The following APOOL variants were observed in gnomAD, a reference collection of about 807,000 sequenced individuals.
APOOL encodes the protein apolipoprotein O like, also known as MICOS complex subunit MIC27.
Under a neutral mutation model 23.1 loss-of-function variants are expected in APOOL, and 12 were observed. That is an observed-to-expected ratio of 0.52 (90% CI 0.33 to 0.84). APOOL has a LOEUF of 0.84. Among genes scored for constraint, APOOL ranks in the 40% least tolerant of loss-of-function variants. APOOL has a pLI of 0.02. For synonymous variants in APOOL, 77 were observed against 69.9 expected (o/e 1.10, Z -0.51); for missense variants, 212 against 199.6 (o/e 1.06, Z -0.37).
At position 85,003,934 on chromosome X, in the gene APOOL, G is replaced by C. The variant is rs761892339; in HGVS notation, c.15+7G>C. 1 of 1,211,673 alleles carries C rather than the reference G, an allele frequency of 8.3e-7. No homozygotes were observed. The highest frequency in any genetic ancestry group is 1.1e-6 in the Non-Finnish European group (1 of 895,312). ...AGACATGGCGGCCATCAGGGTAAGC[G>C]AAAACCAACTTGCTTAATTTCTGTG... is the stretch of plus-strand genomic sequence containing the variant. On this transcript the variant is annotated splice_region_variant and intron_variant, in intron 1 of 8. Coordinates refer to ENST00000373173, the MANE Select transcript of APOOL (RefSeq NM_198450.6).
intron 1 of APOOL, among the ~76,000 whole-genome samples, chrX:85,033,554 G>A (rs866431056): frequency 8.9e-6 from 1 of 111,844 alleles, no homozygotes; most frequent in East Asian, 2.8e-4. Context: ...TGGAGAATAA[G>A]TTTTTTTCAT....
At chrX:85,010,704 T>A (rs1268920014) in intron 1 of APOOL, among the ~76,000 whole-genome samples, 1 of 112,239 alleles carries the variant, frequency 8.9e-6, no homozygotes, top group African/African-American at 3.2e-5. Context: ...TGAGTACTAT[T>A]CCATGTTGTA....
intron 1 of APOOL, among the ~76,000 whole-genome samples, chrX:85,011,006 CTAT>C (rs1298999358): frequency 9.0e-6 from 1 of 111,677 alleles, no homozygotes; most frequent in Non-Finnish European, 1.9e-5. Flanking sequence ...ACACCAACAT[CTAT>C]TATTTTTTTA....
intron 8 of APOOL, among the ~76,000 whole-genome samples, chrX:85,086,852 A>C: frequency 1.2e-5 from 1 of 84,320 alleles, no homozygotes; most frequent in Non-Finnish European, 2.3e-5. Context: ...GGCGCCCGCC[A>C]ACACGCCCGG....
intron 2 of APOOL, among the ~76,000 whole-genome samples, chrX:85,047,987 G>T (rs1012602734): frequency 2.7e-5 from 3 of 111,350 alleles, no homozygotes; most frequent in East Asian, 5.7e-4. Context: ...ACTATTTCCA[G>T]CTATTGCTAT....
chrX:85,026,923 C>G (rs891828779), intron 1 of APOOL, among the ~76,000 whole-genome samples: 1 of 111,994 alleles, frequency 8.9e-6, no homozygotes, highest in East Asian at 2.8e-4. Context: ...CTGTCCATTA[C>G]CCAGTTGCAG....
At chrX:85,004,266 A>G (rs1024523522) in intron 1 of APOOL, among the ~76,000 whole-genome samples, 11 of 111,661 alleles carry the variant, frequency 9.9e-5, no homozygotes, top group African/African-American at 2.9e-4. Flanking sequence ...AGAAAAATAT[A>G]TATATAAACT....
chrX:85,059,616 C>A, intron 5 of APOOL, among the ~76,000 whole-genome samples: 1 of 109,728 alleles, frequency 9.1e-6, no homozygotes, highest in Middle Eastern at 4.6e-3. Context: ...ATTTGCATTT[C>A]TCTGATGGCC....
At chrX:85,083,907 T>G (rs1279123742) in intron 8 of APOOL, among the ~76,000 whole-genome samples, 1 of 111,252 alleles carries the variant, frequency 9.0e-6, no homozygotes, top group African/African-American at 3.3e-5. Flanking sequence ...ACACCAACTT[T>G]TTGAATAGTC....
At chrX:85,052,707 T>G (rs762125304) in intron 3 of APOOL, among the ~76,000 whole-genome samples, 1 of 111,775 alleles carries the variant, frequency 8.9e-6, no homozygotes, top group Non-Finnish European at 1.9e-5. Context: ...TGGTACTAGT[T>G]GTACTACACA....
At chrX:85,086,887 A>C (rs1029415437) in intron 8 of APOOL, among the ~76,000 whole-genome samples, 1 of 102,024 alleles carries the variant, frequency 9.8e-6, no homozygotes, top group Admixed American at 1.1e-4. Context: ...TTTTAGTAGA[A>C]ACGGGGTTTC....
intron 1 of APOOL, among the ~76,000 whole-genome samples, chrX:85,021,453 C>T (rs1871477121): frequency 1.8e-5 from 2 of 110,012 alleles, no homozygotes. Context: ...AAGCTCCATG[C>T]TGGCCCCAGG....
At chrX:85,042,385 C>T (rs1002936209) in intron 1 of APOOL, among the ~76,000 whole-genome samples, 2 of 111,539 alleles carry the variant, frequency 1.8e-5, no homozygotes, top group African/African-American at 6.5e-5. Context: ...ACACACACAA[C>T]CTACCAACAT....
At chrX:85,056,711 T>C (rs760094269) in intron 5 of APOOL, among the ~76,000 whole-genome samples, 16 of 111,172 alleles carry the variant, frequency 1.4e-4, no homozygotes, top group Non-Finnish European at 3.0e-4. Flanking sequence ...CCATTACACT[T>C]CAGCCTGGGC....
intron 2 of APOOL, among the ~76,000 whole-genome samples, chrX:85,047,872 T>C (rs952244548): frequency 8.9e-6 from 1 of 111,786 alleles, no homozygotes; most frequent in Non-Finnish European, 1.9e-5. Context: ...ACTGACTAGT[T>C]AGATGACATT....
At chrX:85,071,608 T>G in intron 6 of APOOL, among the ~76,000 whole-genome samples, 1 of 111,320 alleles carries the variant, frequency 9.0e-6, no homozygotes, top group Non-Finnish European at 1.9e-5. Flanking sequence ...CTGTTTAATC[T>G]TGAGATAGGA....
Position 85,088,084 on chromosome X carries a change from GTATAAATACATATACA to G in APOOL, c.*410_*425del, listed in dbSNP as rs1569462301. 0.012 allele frequency: 303 copies of G among 24,701 alleles called. 4 individuals carry two copies. Among genetic ancestry groups the G allele is most frequent in the Admixed American group, 0.033 (57 of 1,703 alleles). The allele number at this position is 24,701 out of a possible 1,213,427, so 2.0% of individuals were successfully genotyped here. A position where few individuals can be genotyped will look rare whatever the true frequency, so the allele number is the denominator to read the frequency against. On this transcript the variant is annotated 3_prime_UTR_variant, in exon 9 of 9. Transcript: ENST00000373173. ...TATGTATAAATACATATACATATAT[GTATAAATACATATACA>G]TATTTATACATATATGTATAAATAC...
chrX:85,044,358 T>C (rs1922503519), intron 1 of APOOL, among the ~76,000 whole-genome samples: 1 of 110,270 alleles, frequency 9.1e-6, no homozygotes, highest in Non-Finnish European at 1.9e-5. Context: ...TTCGGCTCGC[T>C]GCAACCTCCA....
At position 85,091,354 on chromosome X, in the gene APOOL, T is replaced by C. The variant is rs1033209678; in HGVS notation, c.*3676T>C. On this transcript the variant is annotated 3_prime_UTR_variant, in exon 9 of 9. Transcript: ENST00000373173. Reference sequence around the variant, plus strand: ...AAGGTTTTAAAAAATTCATTTCAAATCCTGGAGATAAATTCTGAGGAGCTT... The same window carrying C: ...AAGGTTTTAAAAAATTCATTTCAAACCCTGGAGATAAATTCTGAGGAGCTT... 8.0e-5 allele frequency: 9 copies of C among 112,764 alleles called. No homozygotes were observed. The highest frequency in any genetic ancestry group is 1.7e-4 in the Non-Finnish European group (9 of 53,367). The allele number at this position is 112,764 out of a possible 1,213,427, so 9.3% of individuals were successfully genotyped here.
Sources: gnomAD v4.1 joint callset for allele counts (sites outside exome capture counted in the v4.1 genomes callset) on GRCh38, gnomAD v4.1.1 for gene constraint, MANE v1.5 for transcripts, NCBI Gene and HGNC (gene_info 2026-07-23, HGNC 2026-07-21) for gene names.